Variants in CFAP144 observed in about 807,000 individuals in gnomAD.
CFAP144 encodes the protein cilia- and flagella-associated protein 144.
the CFAP144 span, chr1:43,152,655 A>G: frequency 6.6e-6 from 4 of 608,736 alleles, no homozygotes; most frequent in Non-Finnish European, 1.1e-5. Flanking sequence ...AGCTCACCAC[A>G]TATTTGTTGA....
the CFAP144 span, among the ~76,000 whole-genome samples, chr1:43,148,781 A>T: frequency 1.3e-5 from 2 of 151,946 alleles, no homozygotes; most frequent in East Asian, 3.9e-4. Context: ...TCATCTAATG[A>T]TCTCATGATC....
the CFAP144 span, among the ~76,000 whole-genome samples, chr1:43,152,233 C>T: frequency 1.3e-5 from 2 of 152,178 alleles, no homozygotes; most frequent in African/African-American, 2.4e-5. Flanking sequence ...CATCTGTTGT[C>T]GGCAGCCATA....
chr1:43,143,392 C>G, the CFAP144 span, among the ~76,000 whole-genome samples: 1 of 152,036 alleles, frequency 6.6e-6, no homozygotes, highest in Admixed American at 6.6e-5. Context: ...GCTGAACTTC[C>G]ATAGAGTACA....
At chr1:43,148,188 T>A in the CFAP144 span, 1 of 1,200,674 alleles carries the variant, frequency 8.3e-7, no homozygotes. Flanking sequence ...GCAAAAACTC[T>A]TTCCCCAGCA....
chr1:43,153,305 T>C, the CFAP144 span, among the ~76,000 whole-genome samples: 3 of 152,164 alleles, frequency 2.0e-5, no homozygotes, highest in African/African-American at 7.2e-5. Flanking sequence ...TTCGGCTTCC[T>C]TATCCATAAA....
chr1:43,148,148 T>A, the CFAP144 span: 1 of 1,529,454 alleles, frequency 6.5e-7, no homozygotes, highest in Non-Finnish European at 8.9e-7. Context: ...GGAGGAGCCC[T>A]CCGGGTTGCG....
the CFAP144 span, chr1:43,156,334 T>C: frequency 6.4e-7 from 1 of 1,568,624 alleles, no homozygotes; most frequent in Non-Finnish European, 8.8e-7. Context: ...GATGAGCCCA[T>C]CTGTGGATCT....
At chr1:43,151,395 A>G in the CFAP144 span, among the ~76,000 whole-genome samples, 3 of 152,186 alleles carry the variant, frequency 2.0e-5, no homozygotes, top group Admixed American at 6.5e-5. Flanking sequence ...ATGAAGAAGA[A>G]GAGAAGTAGA....
chr1:43,146,510 A>C, the CFAP144 span, among the ~76,000 whole-genome samples: 1 of 152,224 alleles, frequency 6.6e-6, no homozygotes, highest in Non-Finnish European at 1.5e-5. Flanking sequence ...GGAAAAGACT[A>C]ATATATTTGA....
At chr1:43,145,031 A>G in the CFAP144 span, 1 of 556,202 alleles carries the variant, frequency 1.8e-6, no homozygotes, top group Non-Finnish European at 3.2e-6. Flanking sequence ...CTTTTCCATG[A>G]CCAGATCCTG....
chr1:43,148,796 G>A, the CFAP144 span, among the ~76,000 whole-genome samples: 1 of 152,094 alleles, frequency 6.6e-6, no homozygotes, highest in East Asian at 1.9e-4. Flanking sequence ...ATGATCATTA[G>A]AAGCCTCGGA....
the CFAP144 span, among the ~76,000 whole-genome samples, chr1:43,147,348 G>T: frequency 6.6e-6 from 1 of 151,780 alleles, no homozygotes; most frequent in African/African-American, 2.4e-5. Flanking sequence ...GGCTAAGATG[G>T]TAAAATTATA....
chr1:43,156,204 A>G, the CFAP144 span: 1 of 1,613,382 alleles, frequency 6.2e-7, no homozygotes, highest in African/African-American at 1.3e-5. Flanking sequence ...CCTCCTTTCT[A>G]GATCAACCCA....
At chr1:43,151,749 A>G in the CFAP144 span, among the ~76,000 whole-genome samples, 4 of 152,124 alleles carry the variant, frequency 2.6e-5, no homozygotes, top group Non-Finnish European at 4.4e-5. Flanking sequence ...TGAAGGACAG[A>G]TGACCGCGGC....
chr1:43,152,040 C>A, the CFAP144 span, among the ~76,000 whole-genome samples: 1 of 152,140 alleles, frequency 6.6e-6, no homozygotes, highest in African/African-American at 2.4e-5. Context: ...TCATTTCATT[C>A]CCAGCCATCT....
the CFAP144 span, chr1:43,145,297 G>A: frequency 1.3e-6 from 2 of 1,549,006 alleles, no homozygotes; most frequent in Non-Finnish European, 1.7e-6. Flanking sequence ...TTCTCTGGAG[G>A]GTAAGTCTTG....
the CFAP144 span, among the ~76,000 whole-genome samples, chr1:43,146,247 CAAT>C: frequency 2.6e-5 from 4 of 152,242 alleles, no homozygotes; most frequent in South Asian, 8.3e-4. Flanking sequence ...TAAAATATCT[CAAT>C]AATTTTTATA....
chr1:43,146,338 T>C, the CFAP144 span, among the ~76,000 whole-genome samples: 2 of 152,364 alleles, frequency 1.3e-5, no homozygotes, highest in East Asian at 3.9e-4. Flanking sequence ...ATCTAATTCT[T>C]GCTCTCTTAA....
the CFAP144 span, among the ~76,000 whole-genome samples, chr1:43,153,928 C>T: frequency 6.7e-6 from 1 of 150,016 alleles, no homozygotes; most frequent in African/African-American, 2.4e-5. Context: ...AATATGCCAC[C>T]AATTCTCATT....
Sources: gnomAD v4.1 joint callset for allele counts (sites outside exome capture counted in the v4.1 genomes callset) on GRCh38, gnomAD v4.1.1 for gene constraint, MANE v1.5 for transcripts, NCBI Gene and HGNC (gene_info 2026-07-23, HGNC 2026-07-21) for gene names.